The following CDH20 variants were observed in gnomAD, a reference collection of about 807,000 sequenced individuals.
CDH20 encodes cadherin-20.
CDH20 carries 29 observed loss-of-function variants against 74.2 expected under a neutral mutation model. That is an observed-to-expected ratio of 0.39 (90% CI 0.29 to 0.53). CDH20 has a LOEUF of 0.53. Among genes scored for constraint, CDH20 ranks in the 20% least tolerant of loss-of-function variants. The probability of loss-of-function intolerance (pLI) is 0.69; values close to 1 mark genes in which losing one functional copy is unlikely to be tolerated. For synonymous variants in CDH20, 469 were observed against 405.4 expected (o/e 1.16, Z -1.88); for missense variants, 988 against 1,048.3 (o/e 0.94, Z 0.79).
chr18:61,543,262 A>G (rs574857632), intron 9 of CDH20, among the ~76,000 whole-genome samples: 1 of 152,310 alleles, frequency 6.6e-6, no homozygotes, highest in South Asian at 2.1e-4. Context: ...AAGCAAGCCC[A>G]GCTGGGACCT....
At chr18:61,432,263 A>AC (rs1446812240) in intron 1 of CDH20, among the ~76,000 whole-genome samples, 1 of 150,952 alleles carries the variant, frequency 6.6e-6, no homozygotes, top group Non-Finnish European at 1.5e-5. Context: ...AAAAAAAAAA[A>AC]ACACAAAGAT....
At position 61,538,578 on chromosome 18, in the gene CDH20, C is replaced by CT. The variant is rs148829012; in HGVS notation, c.1409-441dup. On this transcript the variant is annotated intron_variant, in intron 8 of 11. Transcript: ENST00000262717. ...TCCAGACTCACCAAGTAAATAACTA[C>CT]TTTTTGTTTGTTTGTTTGTTTTTGT... 4.6e-4 allele frequency among the ~76,000 whole-genome samples: 16 copies of CT among 34,946 alleles called. 2 individuals are homozygous for CT. The highest frequency in any genetic ancestry group is 6.9e-4 in the Non-Finnish European group (9 of 13,132). The allele number at this position is 34,946 out of a possible 152,430, so 22.9% of individuals were successfully genotyped here.
At position 61,374,841 on chromosome 18, in the gene CDH20, T is replaced by G. The variant is rs9955431; in HGVS notation, c.-153+41014T>G. Among the ~76,000 whole-genome samples, 287 of 152,230 alleles carry G rather than the reference T, an allele frequency of 1.9e-3. 2 individuals are homozygous for G. The highest frequency in any genetic ancestry group is 6.5e-3 in the African/African-American group (271 of 41,554). On this transcript the variant is annotated intron_variant, in intron 1 of 11. Coordinates refer to ENST00000262717, the MANE Select transcript of CDH20 (RefSeq NM_031891.4). ...CATTTTGTAAAGGGTGTTTCTTTCC[T>G]GGCTATCTACCCTGGGCACAACCTC...
At chr18:61,336,941 A>T (rs1909782665) in intron 1 of CDH20, among the ~76,000 whole-genome samples, 1 of 152,212 alleles carries the variant, frequency 6.6e-6, no homozygotes, top group Non-Finnish European at 1.5e-5. Flanking sequence ...AGAGGAGCCA[A>T]AGGGCAGTTC....
At chr18:61,408,231 T>C (rs1002116053) in intron 1 of CDH20, among the ~76,000 whole-genome samples, 3 of 152,014 alleles carry the variant, frequency 2.0e-5, no homozygotes, top group Admixed American at 1.3e-4. Flanking sequence ...AATAAGAGTT[T>C]GAAGATGGTG....
intron 10 of CDH20, among the ~76,000 whole-genome samples, chr18:61,548,508 G>T (rs1323994358): frequency 6.6e-6 from 1 of 152,220 alleles, no homozygotes; most frequent in Non-Finnish European, 1.5e-5. Context: ...TGAGCCTTTA[G>T]TAACAATAGC....
chr18:61,542,129 T>C (rs1360382356), intron 9 of CDH20, among the ~76,000 whole-genome samples: 4 of 152,224 alleles, frequency 2.6e-5, no homozygotes, highest in African/African-American at 9.6e-5. Flanking sequence ...CACCTATGTG[T>C]AACATGCCTC....
chr18:61,550,097 C>T lies in CDH20; in HGVS notation c.1768C>T (p.Leu590=). The change falls in exon 11 of 12, where the codon CTG becomes TTG. Residue 590 remains leucine, a synonymous_variant. Transcript: ENST00000262717. The part of the protein sequence containing the change: ...GQPVLSSTGT[L]TIQVCSCDDD... ...GCCCGTGCTGAGCAGCACAGGCACA[C>T]TGACCATCCAAGTGTGCAGCTGTGA... 1 of 1,614,260 alleles carries T rather than the reference C, an allele frequency of 6.2e-7. No individual in the cohort carries two copies. Among genetic ancestry groups the T allele is most frequent in the Non-Finnish European group, 8.5e-7 (1 of 1,180,046 alleles).
chr18:61,511,211 C>T (rs542097066), intron 6 of CDH20, among the ~76,000 whole-genome samples: 1 of 144,756 alleles, frequency 6.9e-6, no homozygotes, highest in Admixed American at 7.2e-5. Flanking sequence ...AGCTGGAGTG[C>T]AATGGCATGC....
chr18:61,526,430 A>G (rs926970562), intron 6 of CDH20, among the ~76,000 whole-genome samples: 2 of 152,176 alleles, frequency 1.3e-5, no homozygotes, highest in Admixed American at 1.3e-4. Flanking sequence ...TCTAACATGA[A>G]ATGTGCTGCC....
chr18:61,496,474 C>A (rs1445745914), intron 2 of CDH20, among the ~76,000 whole-genome samples: 2 of 151,854 alleles, frequency 1.3e-5, no homozygotes, highest in Non-Finnish European at 2.9e-5. Context: ...TGCGCACTTA[C>A]AAGACGTCAG....
chr18:61,479,191 T>C (rs1256643170), intron 1 of CDH20, among the ~76,000 whole-genome samples: 1 of 152,094 alleles, frequency 6.6e-6, no homozygotes, highest in Non-Finnish European at 1.5e-5. Context: ...TTTTATTTTA[T>C]TGCAAGTAGA....
chr18:61,338,949 AGG>A (rs1909846445), intron 1 of CDH20, among the ~76,000 whole-genome samples: 1 of 152,218 alleles, frequency 6.6e-6, no homozygotes, highest in Non-Finnish European at 1.5e-5. Context: ...GTTTTTAATA[AGG>A]AATATAAAAT....
At chr18:61,411,586 A>ATG (rs1912507531) in intron 1 of CDH20, among the ~76,000 whole-genome samples, 3 of 752 alleles carry the variant, frequency 4.0e-3, no homozygotes, top group African/African-American at 4.7e-3. Flanking sequence ...GTGTGTATAT[A>ATG]TATATATATA....
intron 1 of CDH20, among the ~76,000 whole-genome samples, chr18:61,422,884 G>C (rs557949567): frequency 1.4e-4 from 21 of 152,004 alleles, no homozygotes; most frequent in Non-Finnish European, 2.4e-4. Flanking sequence ...TTTTATGAAA[G>C]AGTAGGAGAA....
intron 6 of CDH20, among the ~76,000 whole-genome samples, chr18:61,524,833 G>A (rs1336024779): frequency 1.3e-5 from 2 of 152,012 alleles, no homozygotes; most frequent in Non-Finnish European, 2.9e-5. Context: ...AGGCAGAAGA[G>A]TCGCCTGAAC....
intron 6 of CDH20, among the ~76,000 whole-genome samples, chr18:61,524,360 TG>T (rs961467851): frequency 6.6e-6 from 1 of 152,148 alleles, no homozygotes; most frequent in Non-Finnish European, 1.5e-5. Flanking sequence ...GAATACAAAC[TG>T]GTACTGCCTT....
intron 6 of CDH20, among the ~76,000 whole-genome samples, chr18:61,514,628 G>GT (rs1358589801): frequency 1.3e-5 from 2 of 150,110 alleles, no homozygotes; most frequent in Non-Finnish European, 3.0e-5. Flanking sequence ...CATCTTTGTG[G>GT]TTTTATCTAC....
At chr18:61,440,727 A>G (rs57735410) in intron 1 of CDH20, among the ~76,000 whole-genome samples, 2,362 of 152,232 alleles carry the variant, frequency 0.016, 63 homozygotes, top group African/African-American at 0.053. Context: ...TCTGCCCCAC[A>G]TGGTCTCTCC....
Sources: allele counts gnomAD v4.1 joint callset (sites outside exome capture counted in the v4.1 genomes callset), GRCh38; gene constraint gnomAD v4.1.1; transcripts MANE v1.5; gene names NCBI Gene and HGNC (gene_info 2026-07-23, HGNC 2026-07-21).